Variants in RAP1GAP2 observed in about 807,000 individuals in gnomAD.
RAP1GAP2 encodes the protein RAP1 GTPase activating protein 2, also known as rap1 GTPase-activating protein 2.
A neutral mutation model predicts 95.0 loss-of-function variants in RAP1GAP2; 27 were observed. The observed-to-expected ratio is 0.28, with a 90% CI of 0.21 to 0.39. RAP1GAP2 has a LOEUF of 0.39. Ranked by LOEUF, RAP1GAP2 falls within the 10% of genes least tolerant of loss-of-function variation. RAP1GAP2 has a pLI of 1.00. For missense variants in RAP1GAP2, 771 were observed against 970.0 expected, an observed-to-expected ratio of 0.79 and a Z score of 2.72; for synonymous variants, 373 against 380.9, an observed-to-expected ratio of 0.98 and a Z score of 0.24.
intron 3 of RAP1GAP2, among the ~76,000 whole-genome samples, chr17:2,942,786 GA>G (rs1597674937): frequency 2.0e-5 from 3 of 151,896 alleles, no homozygotes; most frequent in East Asian, 3.9e-4. Context: ...TTTTATTTTT[GA>G]GACGGAGTCT....
At chr17:2,997,285 C>A (rs750937156) in intron 13 of RAP1GAP2, among the ~76,000 whole-genome samples, 2 of 152,166 alleles carry the variant, frequency 1.3e-5, no homozygotes, top group Non-Finnish European at 2.9e-5. Context: ...ACCTTCAAGA[C>A]CCCCTGACAC....
rs1311476948 is a variant in RAP1GAP2 at position 3,008,489 on chromosome 17, G to A, written c.1494+344G>A. 6.6e-6 allele frequency among the ~76,000 whole-genome samples: 1 copy of A among 152,200 alleles called. No individual in the cohort carries two copies. Among genetic ancestry groups the A allele is most frequent in the East Asian group, 1.9e-4 (1 of 5,198 alleles). ...GGCGCTTTCACCTGCCTCCTCCTGG[G>A]TTGGGGAGCCCAGGGCAGAATGGCA... On this transcript the variant is annotated intron_variant, in intron 17 of 24. Transcript: ENST00000254695. This position sits in a 1 kb window ranked among gnomAD's most constrained non-coding sequence, Gnocchi z 4.2.
At chr17:2,828,606 G>C (rs2151538434) in intron 2 of RAP1GAP2, among the ~76,000 whole-genome samples, 1 of 152,280 alleles carries the variant, frequency 6.6e-6, no homozygotes, top group South Asian at 2.1e-4. Flanking sequence ...CCGTCCGCCA[G>C]CAGGTGGCAC....
intron 1 of RAP1GAP2, among the ~76,000 whole-genome samples, chr17:2,762,878 G>A (rs764630768): frequency 1.2e-4 from 19 of 152,018 alleles, no homozygotes; most frequent in South Asian, 2.1e-4. Flanking sequence ...GTTTTGCCAC[G>A]TTGCCCACGC....
At chr17:2,849,807 T>C (rs1448129334) in intron 2 of RAP1GAP2, among the ~76,000 whole-genome samples, 1 of 151,616 alleles carries the variant, frequency 6.6e-6, no homozygotes, top group Non-Finnish European at 1.5e-5. Context: ...GTCAGAGACT[T>C]CTGCCGTCCT....
intron 2 of RAP1GAP2, among the ~76,000 whole-genome samples, chr17:2,806,376 T>TTCATTATTATTA (rs1555545388): frequency 5.0e-5 from 7 of 139,950 alleles, no homozygotes; most frequent in African/African-American, 1.6e-4. Context: ...CTACAACCTT[T>TTCATTATTATTA]TTATTATTAT....
At chr17:2,798,855 G>A (rs1378923561) in intron 1 of RAP1GAP2, among the ~76,000 whole-genome samples, 5 of 152,186 alleles carry the variant, frequency 3.3e-5, no homozygotes, top group East Asian at 1.9e-4. Context: ...CTGTGACCAC[G>A]GTGCCTGTAG....
At chr17:2,978,835 T>C (rs1597784384) in intron 8 of RAP1GAP2, among the ~76,000 whole-genome samples, 1 of 152,006 alleles carries the variant, frequency 6.6e-6, no homozygotes, top group Admixed American at 6.6e-5. Context: ...CTTGGGAGCC[T>C]AAGGCGGGAG....
intron 11 of RAP1GAP2, among the ~76,000 whole-genome samples, chr17:2,990,337 A>C (rs937344298): frequency 3.3e-5 from 5 of 151,822 alleles, no homozygotes; most frequent in Non-Finnish European, 2.9e-5. Context: ...TCATTTGGTG[A>C]CTCTGTTTAG....
intron 3 of RAP1GAP2, among the ~76,000 whole-genome samples, chr17:2,927,885 G>A (rs1005285244): frequency 6.6e-5 from 10 of 152,186 alleles, no homozygotes; most frequent in Admixed American, 2.0e-4. Flanking sequence ...TTGCGAGCCC[G>A]TGACTGATGA....
At chr17:3,017,775 C>A (rs2046818650) in intron 17 of RAP1GAP2, among the ~76,000 whole-genome samples, 1 of 152,120 alleles carries the variant, frequency 6.6e-6, no homozygotes, top group South Asian at 2.1e-4. Context: ...CCTTTGTCCA[C>A]CGTGCAGGGG....
At chr17:3,030,177 T>TACACACACACACAC (rs61671474) in intron 22 of RAP1GAP2, among the ~76,000 whole-genome samples, 4,479 of 145,196 alleles carry the variant, frequency 0.031, 173 homozygotes, top group African/African-American at 0.097. Flanking sequence ...ATATATATTA[T>TACACACACACACAC]ACACACACAC....
chr17:2,806,517 C>T (rs948863054), intron 2 of RAP1GAP2, among the ~76,000 whole-genome samples: 3 of 149,792 alleles, frequency 2.0e-5, no homozygotes, highest in African/African-American at 4.9e-5. Context: ...CTCAGCCTCC[C>T]GAGTAGCTGG....
chr17:3,030,318 C>T (rs1243586492), intron 22 of RAP1GAP2, among the ~76,000 whole-genome samples: 3 of 152,228 alleles, frequency 2.0e-5, no homozygotes, highest in Admixed American at 2.0e-4. Flanking sequence ...GATATTTCCT[C>T]AGTTTTCTTT....
At chr17:2,977,139 A>G (rs1335570794) in intron 8 of RAP1GAP2, among the ~76,000 whole-genome samples, 1 of 149,586 alleles carries the variant, frequency 6.7e-6, no homozygotes, top group African/African-American at 2.5e-5. Flanking sequence ...AAAAAAAAAG[A>G]AAAAAAGAAA....
chr17:2,948,128 G>A (rs972940346), intron 3 of RAP1GAP2, among the ~76,000 whole-genome samples: 16 of 152,328 alleles, frequency 1.1e-4, no homozygotes, highest in African/African-American at 2.9e-4. Flanking sequence ...ACGCTGGCCC[G>A]TGTGGTCCTG....
chr17:2,921,577 G>A (rs1035985572), intron 3 of RAP1GAP2, among the ~76,000 whole-genome samples: 2 of 151,812 alleles, frequency 1.3e-5, no homozygotes, highest in African/African-American at 2.4e-5. Flanking sequence ...TAAAGTGTCC[G>A]CAGGGCCTTT....
At chr17:2,861,875 C>T (rs778500147) in intron 2 of RAP1GAP2, among the ~76,000 whole-genome samples, 34 of 152,102 alleles carry the variant, frequency 2.2e-4, no homozygotes, top group Non-Finnish European at 3.8e-4. Flanking sequence ...AGGCTGCTCT[C>T]GAACTCCTGA....
At position 3,020,557 on chromosome 17, in the gene RAP1GAP2, C is replaced by T; in HGVS notation, c.1713C>T (p.His571=). Residue 571 remains histidine, a synonymous_variant, in exon 19 of 25, where the codon CAC becomes CAT. Coordinates refer to ENST00000254695, the MANE Select transcript of RAP1GAP2 (RefSeq NM_015085.5). ...GCTCGGGGCTCTTCCCCCGCCTGCA[C>T]ACGGGCTCAGAAGGCCAGGGCGACA... ...KRRSGLFPRL[H]TGSEGQGDSR... is the part of the protein sequence containing the mutation. The T allele has an allele frequency of 6.2e-7, 1 of 1,613,942 alleles. No individual in the cohort carries two copies. Among genetic ancestry groups the T allele is most frequent in the East Asian group, 2.2e-5 (1 of 44,878 alleles).
Sources: gnomAD v4.1 joint callset for allele counts (sites outside exome capture counted in the v4.1 genomes callset) on GRCh38, gnomAD v4.1.1 for gene constraint, Gnocchi (gnomAD v3.1) non-coding constraint, MANE v1.5 for transcripts, NCBI Gene and HGNC (gene_info 2026-07-23, HGNC 2026-07-21) for gene names.